The following PTPN11 variants were observed in gnomAD, a reference collection of about 807,000 sequenced individuals.
PTPN11 encodes protein tyrosine phosphatase non-receptor type 11.
In PTPN11, 6 loss-of-function variants were observed where a neutral mutation model predicts 78.8. That is an observed-to-expected ratio of 0.08 (90% CI 0.04 to 0.15). The LOEUF (loss-of-function observed/expected upper bound fraction) is 0.15. PTPN11 is among the 10% of genes least tolerant of loss of function. PTPN11 has a pLI of 1.00. For synonymous variants in PTPN11, 221 were observed against 263.5 expected, an observed-to-expected ratio of 0.84 and a Z score of 1.56; for missense variants, 386 against 744.8, an observed-to-expected ratio of 0.52 and a Z score of 5.61.
At chr12:112,429,840 A>G (rs1323617759) in intron 1 of PTPN11, among the ~76,000 whole-genome samples, 1 of 151,762 alleles carries the variant, frequency 6.6e-6, no homozygotes, top group Non-Finnish European at 1.5e-5. Context: ...AATTTTTAGA[A>G]ATATGAGATG....
intron 6 of PTPN11, among the ~76,000 whole-genome samples, chr12:112,462,804 C>T (rs2038268057): frequency 6.6e-6 from 1 of 152,046 alleles, no homozygotes; most frequent in Admixed American, 6.6e-5. Flanking sequence ...TGTACTTGTA[C>T]CATAGTTTAT....
intron 6 of PTPN11, among the ~76,000 whole-genome samples, chr12:112,469,659 T>C (rs1415880075): frequency 1.3e-5 from 2 of 151,988 alleles, no homozygotes; most frequent in Non-Finnish European, 2.9e-5. Flanking sequence ...GGATTACAGG[T>C]GCCTGCCACC....
intron 2 of PTPN11, among the ~76,000 whole-genome samples, chr12:112,448,529 T>C (rs983343026): frequency 6.6e-6 from 1 of 152,166 alleles, no homozygotes; most frequent in African/African-American, 2.4e-5. Flanking sequence ...ATGTTTCTTT[T>C]TATAAAAATA....
Position 112,482,268 on chromosome 12 carries a change from T to C in PTPN11, c.1224+63T>C. The C allele has an allele frequency of 6.4e-7, 1 of 1,565,740 alleles. No individual in the cohort carries two copies. The highest frequency in any genetic ancestry group is 8.8e-7 in the Non-Finnish European group (1 of 1,138,808). On this transcript the variant is annotated intron_variant, in intron 10 of 15. Transcript: ENST00000351677. This position sits in a 1 kb window ranked among gnomAD's most constrained non-coding sequence, Gnocchi z 4.4. ...GTTGATGGTGTGTAGGAATTCAGGG[T>C]CTTGCCGTTACTCATGTTTGCATAC...
chr12:112,459,286 A>G (rs1027071597), intron 6 of PTPN11, among the ~76,000 whole-genome samples: 7 of 152,102 alleles, frequency 4.6e-5, no homozygotes, highest in Non-Finnish European at 8.8e-5. Context: ...AGTGTGGAAA[A>G]TTTCTATTAT....
At chr12:112,485,982 GAAA>G (rs1248676882) in intron 10 of PTPN11, among the ~76,000 whole-genome samples, 1 of 121,164 alleles carries the variant, frequency 8.3e-6, no homozygotes, top group African/African-American at 3.2e-5. Flanking sequence ...CTCTGTCTTG[GAAA>G]AAAAAAAAAA....
intron 7 of PTPN11, among the ~76,000 whole-genome samples, chr12:112,476,783 AAACAAC>A (rs551927271): frequency 2.0e-5 from 3 of 152,008 alleles, no homozygotes; most frequent in South Asian, 2.1e-4. Flanking sequence ...AATAAATTTA[AAACAAC>A]AACAACAACA....
rs1265766739 is a variant in PTPN11, at chr12:112,446,589, C to T, written c.137+191C>T. 2.0e-5 allele frequency among the ~76,000 whole-genome samples: 3 copies of T among 152,060 alleles called. No homozygotes were observed. In the East Asian group the frequency reaches 5.8e-4, roughly 29 times the overall value. On this transcript the variant is annotated intron_variant, in intron 2 of 15. Coordinates refer to ENST00000351677, the MANE Select transcript of PTPN11 (RefSeq NM_002834.5). ...AGGAGTAAGGAGGGCCCTTCTTCTC[C>T]CTCTGAGACCTCATGGAAGGTGAGT...
At chr12:112,499,552 T>C (rs7955416) in intron 13 of PTPN11, among the ~76,000 whole-genome samples, 152,126 of 152,128 alleles carry the variant, frequency 1, 76,062 homozygotes, top group Non-Finnish European at 1. Context: ...GTTGGCCAGG[T>C]TTGTCTTGAA....
chr12:112,477,953 A>T lies in PTPN11; in HGVS notation c.1030A>T (p.Met344Leu), dbSNP rs2135902024. The T allele has an allele frequency of 6.2e-7, 1 of 1,614,188 alleles. No individual in the cohort carries two copies. The highest frequency in any genetic ancestry group is 8.5e-7 in the Non-Finnish European group (1 of 1,180,032). ...AAACACGGTGAATGACTTTTGGCGG[A>T]TGGTGTTCCAAGAAAACTCCCGAGT... ...LQNTVNDFWR[M>L]VFQENSRVIV... is the part of the protein sequence containing the mutation. The change falls in exon 9 of 16, where the codon ATG becomes TTG. Residue 344 changes from methionine (M) to leucine (L), a missense_variant. By Grantham distance (15) the Met-to-Leu change is conservative (BLOSUM62 2). Around this residue, in one of 3 missense-constraint regions of PTPN11, gnomAD observed 279 missense variants for 503.3 expected, o/e 0.55. Transcript: ENST00000351677.
At chr12:112,503,305 T>C (rs2038899355) in intron 14 of PTPN11, among the ~76,000 whole-genome samples, 1 of 152,358 alleles carries the variant, frequency 6.6e-6, no homozygotes, top group South Asian at 2.1e-4. Flanking sequence ...ATAGCAATTG[T>C]AAGTTATTAT....
In PTPN11 at chr12:112,502,264, G is replaced by T. The variant is rs771413258; in HGVS notation, c.1712+8G>T. 2 of 1,604,530 alleles carry T rather than the reference G, an allele frequency of 1.2e-6. No homozygotes were observed. The highest frequency in any genetic ancestry group is 1.7e-6 in the Non-Finnish European group (2 of 1,171,330). ...AACGCCACCCTGTGCAGAGTAAGTAGTGCTGAAGGAAATTCTTTTTACCTG... is the reference window on the plus strand; with the variant it reads ...AACGCCACCCTGTGCAGAGTAAGTATTGCTGAAGGAAATTCTTTTTACCTG... On this transcript the variant is annotated splice_region_variant and intron_variant, in intron 14 of 15. Transcript: ENST00000351677.
intron 13 of PTPN11, among the ~76,000 whole-genome samples, chr12:112,499,634 C>T (rs900380024): frequency 1.4e-4 from 22 of 151,912 alleles, no homozygotes; most frequent in Admixed American, 8.5e-4. Context: ...CCACAGTGCC[C>T]GGCGGGATAA....
At chr12:112,427,245 C>CA (rs562447900) in intron 1 of PTPN11, among the ~76,000 whole-genome samples, 26 of 148,098 alleles carry the variant, frequency 1.8e-4, no homozygotes, top group African/African-American at 5.5e-4. Context: ...GACCTTGTCT[C>CA]AAAAAAAAAT....
intron 1 of PTPN11, among the ~76,000 whole-genome samples, chr12:112,444,120 G>A (rs921664359): frequency 3.3e-5 from 5 of 152,100 alleles, no homozygotes; most frequent in East Asian, 1.9e-4. Flanking sequence ...CAGGGGAGCG[G>A]CATTCAAACT....
Position 112,506,241 on chromosome 12 carries a change from G to A in PTPN11, c.*449G>A, listed in dbSNP as rs1375688204. The stretch of plus-strand genomic sequence containing the variant: ...TGATTTGGGAAAATTAAGTAACAAC[G>A]ACCTAGAAAAGTGAGAACAATCTCA... On this transcript the variant is annotated 3_prime_UTR_variant, in exon 16 of 16. Transcript: ENST00000351677. The A allele has an allele frequency of 1.3e-5, 2 of 151,962 alleles. No individual in the cohort carries two copies. Among genetic ancestry groups the A allele is most frequent in the African/African-American group, 2.4e-5 (1 of 41,352 alleles). 9.4% of individuals were successfully genotyped at this position (151,962 alleles called of 1,614,324 possible). A position where few individuals can be genotyped will look rare whatever the true frequency, so the allele number is the denominator to read the frequency against.
At chr12:112,495,692 C>G (rs1018986067) in intron 13 of PTPN11, among the ~76,000 whole-genome samples, 1 of 152,314 alleles carries the variant, frequency 6.6e-6, no homozygotes, top group East Asian at 1.9e-4. Context: ...TTTAATGCAT[C>G]TAAACTACTA....
At chr12:112,431,813 G>A (rs150770275) in intron 1 of PTPN11, among the ~76,000 whole-genome samples, 1 of 152,100 alleles carries the variant, frequency 6.6e-6, no homozygotes, top group African/African-American at 2.4e-5. Context: ...CAACATTGCT[G>A]TGAATTAAGA....
intron 6 of PTPN11, among the ~76,000 whole-genome samples, chr12:112,464,854 G>T (rs1409345940): frequency 2.0e-5 from 3 of 152,276 alleles, no homozygotes; most frequent in African/African-American, 7.2e-5. Context: ...CTCCTGAGAG[G>T]CTGGAATTAC....
Sources: allele counts gnomAD v4.1 joint callset (sites outside exome capture counted in the v4.1 genomes callset), GRCh38; gene constraint gnomAD v4.1.1; regional missense constraint gnomAD v4.1.1; non-coding constraint Gnocchi (gnomAD v3.1); transcripts MANE v1.5; gene names NCBI Gene and HGNC (gene_info 2026-07-23, HGNC 2026-07-21).